Variants in DECR1 observed in about 807,000 individuals in gnomAD.
DECR1 encodes the protein 2,4-dienoyl-CoA reductase 1, also known as 2,4-dienoyl-CoA reductase [(3E)-enoyl-CoA-producing], mitochondrial.
In DECR1, 44 loss-of-function variants were observed where a neutral mutation model predicts 38.8. The ratio of observed to expected loss-of-function variants is 1.13; its 90% confidence interval spans 0.89 to 1.46. DECR1 has a LOEUF of 1.46. Ranked by LOEUF, DECR1 falls within the 40% of genes most tolerant of loss-of-function variation. The pLI is 0.00. For synonymous variants in DECR1, 148 were observed against 135.2 expected, an observed-to-expected ratio of 1.09 and a Z score of -0.66; for missense variants, 428 against 405.5, an observed-to-expected ratio of 1.06 and a Z score of -0.48.
chr8:90,020,923 T>G lies in DECR1; in HGVS notation c.432T>G (p.Asn144Lys). 1 of 1,575,408 alleles carries G rather than the reference T, an allele frequency of 6.3e-7. No homozygotes were observed. Reference sequence around the variant, plus strand: ...TCATTTATTAGATTGTGATAAACAATGCAGCAGGGAATTTTATTTCTCCTA... The same window carrying G: ...TCATTTATTAGATTGTGATAAACAAGGCAGCAGGGAATTTTATTTCTCCTA... The part of the protein sequence containing the change: ...VAGHPNIVIN[N>K]AAGNFISPTE... Residue 144 changes from asparagine (N) to lysine (K), a missense_variant, in exon 5 of 10, where the codon AAT (asparagine) becomes AAG (lysine). Transcript: ENST00000220764.
chr8:90,008,738 C>A (rs1812806329), intron 1 of DECR1, among the ~76,000 whole-genome samples: 1 of 151,834 alleles, frequency 6.6e-6, no homozygotes, highest in Non-Finnish European at 1.5e-5. Flanking sequence ...TCACATGTAC[C>A]CCATAAATAG....
intron 1 of DECR1, among the ~76,000 whole-genome samples, chr8:90,016,218 G>A (rs1160819310): frequency 1.3e-5 from 2 of 152,162 alleles, no homozygotes; most frequent in Non-Finnish European, 2.9e-5. Context: ...ATGGGAAGAG[G>A]CATTTGATTT....
chr8:90,053,160 C>T lies in DECR1; in HGVS notation c.*1263C>T, dbSNP rs1448594798. Among the ~76,000 whole-genome samples the T allele has an allele frequency of 6.6e-6, 1 of 152,070 alleles. No individual in the cohort carries two copies. The highest frequency in any genetic ancestry group is 1.5e-5 in the Non-Finnish European group (1 of 68,020). ...AATAAAACGCAGACAGGTACCTAGT[C>T]TCCATTTTACCTTTAGTACTAATCC... On this transcript the variant is annotated 3_prime_UTR_variant, in exon 10 of 10. Coordinates refer to ENST00000220764, the MANE Select transcript of DECR1 (RefSeq NM_001359.2).
At chr8:90,049,752 T>G (rs1337579733) in intron 8 of DECR1, among the ~76,000 whole-genome samples, 2 of 152,106 alleles carry the variant, frequency 1.3e-5, no homozygotes, top group Non-Finnish European at 2.9e-5. Context: ...AAAGCTGGCA[T>G]CATCACACTA....
At chr8:90,050,791 T>G (rs1023057934) in intron 8 of DECR1, among the ~76,000 whole-genome samples, 2 of 152,172 alleles carry the variant, frequency 1.3e-5, no homozygotes, top group African/African-American at 4.8e-5. Context: ...CTATCAATGA[T>G]AGACTGGATT....
rs1812794740 is a variant in DECR1 at position 90,008,365 on chromosome 8, A to G, written c.69+6804A>G. The stretch of plus-strand genomic sequence containing the variant: ...TGTGTGGAATATGTTGTCTTCTCTT[A>G]ATTTCTACTGCCCTCGGTATCTCTC... On this transcript the variant is annotated intron_variant, in intron 1 of 9. Coordinates refer to ENST00000220764, the MANE Select transcript of DECR1 (RefSeq NM_001359.2). Among the ~76,000 whole-genome samples, 3 of 152,216 alleles carry G rather than the reference A, an allele frequency of 2.0e-5. No homozygotes were observed. In the South Asian group the frequency reaches 6.2e-4, roughly 31 times the overall value.
At position 90,053,571 on chromosome 8, in the gene DECR1, T is replaced by G. The variant is rs1814144977; in HGVS notation, c.*1674T>G. ...TCCACCAGTATAGCCATATTTCTCT[T>G]TCTGGTTAAATTTATACTAAATGTT... On this transcript the variant is annotated 3_prime_UTR_variant, in exon 10 of 10. Coordinates refer to ENST00000220764, the MANE Select transcript of DECR1 (RefSeq NM_001359.2). Among the ~76,000 whole-genome samples the G allele has an allele frequency of 6.6e-6, 1 of 152,214 alleles. No individual in the cohort carries two copies. Among genetic ancestry groups the G allele is most frequent in the African/African-American group, 2.4e-5 (1 of 41,464 alleles).
At chr8:90,011,052 C>G (rs1812870915) in intron 1 of DECR1, among the ~76,000 whole-genome samples, 1 of 152,090 alleles carries the variant, frequency 6.6e-6, no homozygotes, top group Non-Finnish European at 1.5e-5. Flanking sequence ...TGAATAGGTT[C>G]TTGTGGATAC....
At chr8:90,012,569 A>G (rs368797907) in intron 1 of DECR1, among the ~76,000 whole-genome samples, 1 of 152,356 alleles carries the variant, frequency 6.6e-6, no homozygotes, top group South Asian at 2.1e-4. Context: ...TTTCAATCAT[A>G]TATTCACATA....
At chr8:90,030,676 G>A (rs990831721) in intron 5 of DECR1, among the ~76,000 whole-genome samples, 1 of 152,174 alleles carries the variant, frequency 6.6e-6, no homozygotes, top group African/African-American at 2.4e-5. Flanking sequence ...ATAGCAGAAG[G>A]CTTTCCTTAT....
At chr8:90,007,904 T>C (rs558877027) in intron 1 of DECR1, among the ~76,000 whole-genome samples, 21 of 152,308 alleles carry the variant, frequency 1.4e-4, no homozygotes, top group South Asian at 6.2e-4. Flanking sequence ...GCCAGGGTAA[T>C]GATAAGTAAG....
Position 90,051,743 on chromosome 8 carries a change from A to T in DECR1, c.948+4A>T. 1 of 1,613,476 alleles carries T rather than the reference A, an allele frequency of 6.2e-7. No individual in the cohort carries two copies. The highest frequency in any genetic ancestry group is 8.5e-7 in the Non-Finnish European group (1 of 1,179,696). ...GGAATTCAACGACCTGAGAAAGGTA[A>T]TGCTTTTGTGTGTATAATGTAATAT... On this transcript the variant is annotated splice_donor_region_variant and intron_variant, in intron 9 of 9. Coordinates refer to ENST00000220764, the MANE Select transcript of DECR1 (RefSeq NM_001359.2).
At position 90,019,147 on chromosome 8, in the gene DECR1, T is replaced by C. The variant is rs762836103; in HGVS notation, c.392T>C (p.Leu131Pro). The C allele has an allele frequency of 8.1e-6, 13 of 1,614,154 alleles. No individual in the cohort carries two copies. Among genetic ancestry groups the C allele is most frequent in the Non-Finnish European group, 1.1e-5 (13 of 1,179,992 alleles). Residue 131 changes from leucine (L) to proline (P), a missense_variant, in exon 4 of 10, where the codon CTG (leucine) becomes CCG (proline). Transcript: ENST00000220764. Reference protein sequence around the residue: ...PDMVQNTVSELIKVAGHPNIV... With the variant: ...PDMVQNTVSEPIKVAGHPNIV... Reference sequence around the variant, plus strand: ...ATGGTTCAAAACACTGTGTCAGAACTGATCAAAGTTGCAGGACATCCTAAT... The same window carrying C: ...ATGGTTCAAAACACTGTGTCAGAACCGATCAAAGTTGCAGGACATCCTAAT...
intron 5 of DECR1, 65 bp downstream of exon 5, chr8:90,021,121 C>A: frequency 1.5e-6 from 2 of 1,333,016 alleles, no homozygotes; most frequent in South Asian, 1.7e-5. Context: ...GTGGTAAGCT[C>A]TGTGATACTT....
chr8:90,047,533 G>T (rs1291635950), intron 8 of DECR1, among the ~76,000 whole-genome samples: 2 of 152,146 alleles, frequency 1.3e-5, no homozygotes, highest in Non-Finnish European at 2.9e-5. Flanking sequence ...GATTCATAAA[G>T]CAAGTCCTTA....
At chr8:90,042,539 CAT>C (rs1031992220) in intron 6 of DECR1, 187 bp from the exon 7 acceptor site, 2 of 590,046 alleles carry the variant, frequency 3.4e-6, no homozygotes, top group South Asian at 2.0e-5. Context: ...GGCCATATGA[CAT>C]AGAGAAAATG....
rs115913637 is a variant in DECR1, at chr8:90,003,896, G to A, written c.69+2335G>A. On this transcript the variant is annotated intron_variant, in intron 1 of 9. Transcript: ENST00000220764. ...AGAGGTTGCAGTGAGCTGAGGTCGCGCCACTGTAGTCCAACCTGGCGATAG... is the reference window on the plus strand; with the variant it reads ...AGAGGTTGCAGTGAGCTGAGGTCGCACCACTGTAGTCCAACCTGGCGATAG... 7.9e-3 allele frequency among the ~76,000 whole-genome samples: 1,193 copies of A among 151,936 alleles called. 16 individuals are homozygous for A. The highest frequency in any genetic ancestry group is 0.027 in the African/African-American group (1,136 of 41,418).
intron 4 of DECR1, among the ~76,000 whole-genome samples, chr8:90,019,500 AAATT>A (rs1484792084): frequency 6.6e-6 from 1 of 152,168 alleles, no homozygotes; most frequent in Non-Finnish European, 1.5e-5. Context: ...AATTGCCTGC[AAATT>A]AATTAGGTTT....
At chr8:90,029,140 CAGTT>C (rs1160995578) in intron 5 of DECR1, 1 of 152,088 alleles carries the variant, frequency 6.6e-6, no homozygotes, top group Non-Finnish European at 1.5e-5. Context: ...GATACTTGGA[CAGTT>C]AGTGAGTGAC....
Sources: gnomAD v4.1 joint callset for allele counts (sites outside exome capture counted in the v4.1 genomes callset) on GRCh38, gnomAD v4.1.1 for gene constraint, MANE v1.5 for transcripts, NCBI Gene and HGNC (gene_info 2026-07-23, HGNC 2026-07-21) for gene names.